RGS5: variants seen among roughly 807,000 people sequenced by gnomAD.
RGS5 encodes regulator of G-protein signalling 5.
RGS5 carries 20 observed loss-of-function variants against 18.9 expected under a neutral mutation model. The ratio of observed to expected loss-of-function variants is 1.06; its 90% CI spans 0.74 to 1.54. RGS5 has a LOEUF of 1.54. Ranked by LOEUF, RGS5 falls within the 40% of genes most tolerant of loss-of-function variation. RGS5 has a pLI of 0.00. For synonymous variants in RGS5, 57 were observed against 76.2 expected, an observed-to-expected ratio of 0.75 and a Z score of 1.31; for missense variants, 201 against 211.8, an observed-to-expected ratio of 0.95 and a Z score of 0.32.
chr1:163,184,134 G>A (rs115294864), intron 1 of RGS5, among the ~76,000 whole-genome samples: 73 of 152,238 alleles, frequency 4.8e-4, no homozygotes, highest in African/African-American at 1.5e-3. Context: ...TGGGCTTAAT[G>A]GAGCAACAAA....
chr1:163,272,145 C>T (rs56121377), intron 2 of RGS5, among the ~76,000 whole-genome samples: 32,415 of 151,706 alleles, frequency 0.21, 3,693 homozygotes, highest in African/African-American at 0.3. Flanking sequence ...ATGGTGGTAT[C>T]TTGGTGTGGT....
chr1:163,162,156 G>A (rs1657826536), intron 2 of RGS5, among the ~76,000 whole-genome samples, 180 bp from the exon 3 acceptor site: 1 of 152,130 alleles, frequency 6.6e-6, no homozygotes, highest in Admixed American at 6.5e-5. Context: ...AGCTGGGTTT[G>A]CTTTCATACA....
At position 163,144,378 on chromosome 1, in the gene RGS5, A is replaced by T. The variant is rs1346807881; in HGVS notation, c.*2964T>A. ...TAATTTAGATCTTAATCTAACCCCA[A>T]CCCTAAACTATATCAAACCCAGGCA... On this transcript the variant is annotated 3_prime_UTR_variant, in exon 5 of 5. Transcript: ENST00000313961. 1 of 152,138 alleles carries T rather than the reference A, an allele frequency of 6.6e-6. No individual in the cohort carries two copies. The highest frequency in any genetic ancestry group is 2.4e-5 in the African/African-American group (1 of 41,426). The allele number at this position is 152,138 out of a possible 1,614,324, so 9.4% of individuals were successfully genotyped here. A position where few individuals can be genotyped will look rare whatever the true frequency, so the allele number is the denominator to read the frequency against.
intron 1 of RGS5, among the ~76,000 whole-genome samples, chr1:163,312,667 A>G (rs1649900806): frequency 6.6e-6 from 1 of 152,244 alleles, no homozygotes; most frequent in South Asian, 2.1e-4. Context: ...TAAAAAAGGT[A>G]GATTGTGATG....
At position 163,291,276 on chromosome 1, in the gene RGS5, C is replaced by T. The variant is rs372786295; in HGVS notation, c.-281+14957G>A. ...TGTAACAGTGAGAAAATTATGGCGGCGGGCAGGGGGGTATCTATCTAGCCA... is the reference window on the plus strand; with the variant it reads ...TGTAACAGTGAGAAAATTATGGCGGTGGGCAGGGGGGTATCTATCTAGCCA... On this transcript the variant is annotated intron_variant, in intron 2 of 5. Transcript: ENST00000618415. Among the ~76,000 whole-genome samples, 10 of 152,188 alleles carry T rather than the reference C, an allele frequency of 6.6e-5. No individual in the cohort carries two copies. The East Asian group carries it at 1.7e-3, about 26-fold the overall frequency.
chr1:163,236,892 T>C (rs12122308), intron 2 of RGS5, among the ~76,000 whole-genome samples: 29,904 of 149,694 alleles, frequency 0.2, 3,367 homozygotes, highest in Non-Finnish European at 0.25. Context: ...ACCCGGGAGG[T>C]GGAGGTGGCA....
At chr1:163,293,219 C>T (rs1322606675) in intron 2 of RGS5, among the ~76,000 whole-genome samples, 3 of 152,106 alleles carry the variant, frequency 2.0e-5, no homozygotes, top group Admixed American at 6.6e-5. Context: ...TGTATTTGTT[C>T]ATTTTCACAC....
intron 1 of RGS5, chr1:163,321,383 GCA>G (rs1346738635): frequency 1.3e-5 from 2 of 152,192 alleles, no homozygotes; most frequent in African/African-American, 2.4e-5. Flanking sequence ...GTGCTTATGA[GCA>G]CAGAGTCAGA....
At chr1:163,185,799 C>A (rs1051348069) in intron 1 of RGS5, among the ~76,000 whole-genome samples, 1 of 152,212 alleles carries the variant, frequency 6.6e-6, no homozygotes, top group African/African-American at 2.4e-5. Context: ...AATGCATAAA[C>A]TTATTTAGTG....
chr1:163,177,771 C>T lies in RGS5; in HGVS notation c.45-9403G>A, dbSNP rs779467283. On this transcript the variant is annotated intron_variant, in intron 1 of 4. Transcript: ENST00000313961. Reference sequence around the variant, plus strand: ...ATAGCTTAAATACATATTAATGTATCGGGTGTTAATGCATATATTCCTCCA... The same window carrying T: ...ATAGCTTAAATACATATTAATGTATTGGGTGTTAATGCATATATTCCTCCA... Among the ~76,000 whole-genome samples the T allele has an allele frequency of 4.4e-4, 67 of 152,292 alleles. 1 individual carries two copies. Among genetic ancestry groups the T allele is most frequent in the East Asian group, 1.9e-4 (1 of 5,180 alleles).
intron 2 of RGS5, among the ~76,000 whole-genome samples, chr1:163,252,584 A>C (rs1648139353): frequency 6.6e-6 from 1 of 152,144 alleles, no homozygotes; most frequent in South Asian, 2.1e-4. Flanking sequence ...CCCAACATCA[A>C]GTGTTCTCAA....
intron 1 of RGS5, among the ~76,000 whole-genome samples, chr1:163,172,326 T>C (rs1355962614): frequency 6.6e-6 from 1 of 152,248 alleles, no homozygotes; most frequent in Non-Finnish European, 1.5e-5. Flanking sequence ...ACATTTTCTT[T>C]TACTATTTCA....
chr1:163,225,449 G>A (rs1647312809), intron 2 of RGS5, among the ~76,000 whole-genome samples: 1 of 152,074 alleles, frequency 6.6e-6, no homozygotes, highest in South Asian at 2.1e-4. Context: ...TCTTGTGTTT[G>A]GTTTTGAAAA....
At chr1:163,233,986 C>T (rs1261189281) in intron 2 of RGS5, among the ~76,000 whole-genome samples, 4 of 152,162 alleles carry the variant, frequency 2.6e-5, no homozygotes, top group African/African-American at 2.4e-5. Context: ...TGGATGTATA[C>T]GTGCAGGTCA....
chr1:163,203,821 C>T (rs193095341), upstream of RGS5, among the ~76,000 whole-genome samples: 445 of 152,194 alleles, frequency 2.9e-3, 4 homozygotes, highest in African/African-American at 0.01. Context: ...TTCCTGCTTC[C>T]TATCACTCAA....
chr1:163,148,589 A>AG (rs1414814296), intron 4 of RGS5, among the ~76,000 whole-genome samples: 1 of 152,216 alleles, frequency 6.6e-6, no homozygotes, highest in East Asian at 1.9e-4. Context: ...CATTAATGGT[A>AG]GAGAGAAGAT....
chr1:163,285,470 A>G (rs1422829234), intron 2 of RGS5, among the ~76,000 whole-genome samples: 1 of 151,968 alleles, frequency 6.6e-6, no homozygotes, highest in Non-Finnish European at 1.5e-5. Context: ...CATTATTTGA[A>G]CCCTGGAGGT....
upstream of RGS5, among the ~76,000 whole-genome samples, chr1:163,218,667 G>C (rs1361866342): frequency 1.3e-5 from 2 of 151,962 alleles, no homozygotes; most frequent in Non-Finnish European, 2.9e-5. Context: ...GAGTCTACAG[G>C]CTTCACCTAC....
intron 2 of RGS5, among the ~76,000 whole-genome samples, chr1:163,222,717 G>C (rs1442549146): frequency 6.6e-6 from 1 of 152,162 alleles, no homozygotes; most frequent in African/African-American, 2.4e-5. Flanking sequence ...CTTGGACTGT[G>C]AACTGGCTTA....
Sources: gnomAD v4.1 joint callset for allele counts (sites outside exome capture counted in the v4.1 genomes callset) on GRCh38, gnomAD v4.1.1 for gene constraint, MANE v1.5 for transcripts, NCBI Gene and HGNC (gene_info 2026-07-23, HGNC 2026-07-21) for gene names.